ANO4: variants seen among roughly 807,000 people sequenced by gnomAD.
ANO4 encodes anoctamin-4.
In ANO4, 69 loss-of-function variants were observed where a neutral mutation model predicts 141.9. That is an observed-to-expected ratio of 0.49 (90% CI 0.40 to 0.59). The LOEUF is 0.59. Ranked by LOEUF, ANO4 falls within the 20% of genes least tolerant of loss-of-function variation. The pLI is 0.00. For synonymous variants in ANO4, 350 were observed against 394.3 expected (o/e 0.89, Z 1.33); for missense variants, 894 against 1,162.2 (o/e 0.77, Z 3.36).
rs758365911 is a variant in ANO4, at chr12:100,987,543, G to A, written c.607G>A (p.Asp203Asn). 24 of 1,613,414 alleles carry A rather than the reference G, an allele frequency of 1.5e-5. No individual in the cohort carries two copies. The highest frequency in any genetic ancestry group is 1.6e-4 in the Middle Eastern group (1 of 6,078). Residue 203 changes from aspartate to asparagine, a missense_variant, in exon 8 of 28, where the codon GAT becomes AAT. Asp to Asn is a conservative substitution (Grantham distance 23). This residue lies in a region of ANO4 where 257 missense variants were observed against 253.0 expected (regional missense o/e 1.02). Coordinates refer to ENST00000392977, the MANE Select transcript of ANO4 (RefSeq NM_001286615.2). ...PRRYKFMSRIDKQISRFRRWL... is the reference protein window; with the variant it reads ...PRRYKFMSRINKQISRFRRWL... Reference sequence around the variant, plus strand: ...CTTGCCTTCCATGTACCACAGGATCGATAAACAAATAAGCAGGTTTCGGAG... The same window carrying A: ...CTTGCCTTCCATGTACCACAGGATCAATAAACAAATAAGCAGGTTTCGGAG...
At chr12:100,883,042 C>G (rs1030551339) in intron 1 of ANO4, among the ~76,000 whole-genome samples, 1 of 152,130 alleles carries the variant, frequency 6.6e-6, no homozygotes, top group Non-Finnish European at 1.5e-5. Flanking sequence ...TATTGTGCTC[C>G]TAACTACCAC....
At chr12:101,108,384 A>G (rs1593290432) in intron 22 of ANO4, among the ~76,000 whole-genome samples, 1 of 152,288 alleles carries the variant, frequency 6.6e-6, no homozygotes. Flanking sequence ...CTCTGGAGCT[A>G]CAACGCTGGG....
intron 14 of ANO4, among the ~76,000 whole-genome samples, chr12:101,049,467 G>A (rs1027427230): frequency 6.0e-5 from 9 of 148,772 alleles, no homozygotes; most frequent in African/African-American, 2.3e-4. Context: ...GGACCATTAT[G>A]ATTATCAGAG....
At chr12:100,762,090 T>A (rs187180258) in intron 3 of ANO4, among the ~76,000 whole-genome samples, 2 of 152,262 alleles carry the variant, frequency 1.3e-5, no homozygotes, top group East Asian at 3.9e-4. Flanking sequence ...CCTTACAAAG[T>A]TCCCTTAATT....
At chr12:101,026,094 C>T (rs1373685943) in intron 9 of ANO4, among the ~76,000 whole-genome samples, 1 of 152,082 alleles carries the variant, frequency 6.6e-6, no homozygotes, top group East Asian at 1.9e-4. Context: ...TAAAACTGTC[C>T]TAATTATCAG....
chr12:100,760,768 A>G (rs899607904), intron 3 of ANO4, among the ~76,000 whole-genome samples: 2 of 152,154 alleles, frequency 1.3e-5, no homozygotes, highest in African/African-American at 2.4e-5. Context: ...ATTTCTATAC[A>G]TCGTCATGGG....
chr12:101,048,498 G>A, intron 14 of ANO4, 97 bp downstream of exon 14: 1 of 1,113,242 alleles, frequency 9.0e-7, no homozygotes, highest in African/African-American at 1.6e-5. Context: ...AAAGAAGCTT[G>A]AGTAAATGGA....
intron 1 of ANO4, among the ~76,000 whole-genome samples, chr12:100,815,158 C>G (rs1157074577): frequency 6.6e-6 from 1 of 151,936 alleles, no homozygotes; most frequent in Non-Finnish European, 1.5e-5. Context: ...GAATGTAGTG[C>G]TTAGAGATTA....
chr12:100,969,652 A>T (rs1315691392), intron 5 of ANO4, among the ~76,000 whole-genome samples: 1 of 152,206 alleles, frequency 6.6e-6, no homozygotes, highest in African/African-American at 2.4e-5. Context: ...CTAGAGGAAA[A>T]AGTTGAGCTT....
At chr12:101,110,592 T>C (rs1353412036) in intron 23 of ANO4, 36 bp downstream of exon 23, 1 of 1,502,110 alleles carries the variant, frequency 6.7e-7, no homozygotes, top group East Asian at 2.4e-5. Context: ...AAAAAACATA[T>C]TAAACATCTG....
intron 7 of ANO4, among the ~76,000 whole-genome samples, chr12:100,986,718 A>G (rs115566643): frequency 9.0e-4 from 137 of 152,304 alleles, no homozygotes; most frequent in African/African-American, 3.2e-3. Context: ...AGGTAGTGCT[A>G]TCATTTTAAA....
chr12:100,948,654 G>T (rs575215074), intron 5 of ANO4, among the ~76,000 whole-genome samples: 106 of 152,220 alleles, frequency 7.0e-4, no homozygotes, highest in African/African-American at 2.3e-3. Flanking sequence ...ATTGTAGATG[G>T]TATTACAAAT....
intron 3 of ANO4, among the ~76,000 whole-genome samples, chr12:100,783,077 T>C (rs2033759306): frequency 6.6e-6 from 1 of 152,162 alleles, no homozygotes; most frequent in South Asian, 2.1e-4. Context: ...TCCTTCTCTC[T>C]TCTATCTACC....
chr12:100,988,931 C>T (rs1199684888), intron 8 of ANO4, among the ~76,000 whole-genome samples: 2 of 149,786 alleles, frequency 1.3e-5, no homozygotes, highest in East Asian at 3.9e-4. Context: ...TGGCAGTTTT[C>T]AAGAAGTTGC....
chr12:100,890,539 C>T (rs1456706877), intron 1 of ANO4, among the ~76,000 whole-genome samples: 1 of 152,146 alleles, frequency 6.6e-6, no homozygotes, highest in African/African-American at 2.4e-5. Context: ...TTAGTTTTGT[C>T]AAATGATCTG....
intron 9 of ANO4, among the ~76,000 whole-genome samples, chr12:101,028,134 C>T (rs2046817973): frequency 6.6e-6 from 1 of 152,170 alleles, no homozygotes; most frequent in Non-Finnish European, 1.5e-5. Flanking sequence ...ACAACAACAG[C>T]ATCAATAACA....
intron 1 of ANO4, among the ~76,000 whole-genome samples, chr12:100,863,113 A>G (rs2038569349): frequency 6.6e-6 from 1 of 152,170 alleles, no homozygotes; most frequent in Non-Finnish European, 1.5e-5. Context: ...GAGCTGAGGC[A>G]GGAGCATGCT....
intron 5 of ANO4, among the ~76,000 whole-genome samples, chr12:100,954,938 G>T (rs1305356205): frequency 6.6e-6 from 1 of 152,138 alleles, no homozygotes; most frequent in Non-Finnish European, 1.5e-5. Flanking sequence ...ATGTCCTTGT[G>T]TTTGTGATGC....
chr12:100,954,042 T>C (rs953823259), intron 5 of ANO4, among the ~76,000 whole-genome samples: 3 of 152,174 alleles, frequency 2.0e-5, no homozygotes, highest in African/African-American at 7.2e-5. Flanking sequence ...CTTGTCCTTT[T>C]CCATTAATCA....
Sources: gnomAD v4.1 joint callset for allele counts (sites outside exome capture counted in the v4.1 genomes callset) on GRCh38, gnomAD v4.1.1 for gene constraint, gnomAD v4.1.1 regional missense constraint, MANE v1.5 for transcripts, NCBI Gene and HGNC (gene_info 2026-07-23, HGNC 2026-07-21) for gene names.